RPH3A: variants seen among roughly 807,000 people sequenced by gnomAD.
RPH3A encodes the protein rabphilin-3A.
A neutral mutation model predicts 102.2 loss-of-function variants in RPH3A; 48 were observed. That is an observed-to-expected ratio of 0.47 (90% CI 0.37 to 0.60). The LOEUF is 0.60. Among genes scored for constraint, RPH3A ranks in the 20% least tolerant of loss-of-function variants. The probability of loss-of-function intolerance (pLI) is 0.00; values close to 1 mark genes in which losing one functional copy is unlikely to be tolerated. For synonymous variants in RPH3A, 310 were observed against 324.3 expected, an observed-to-expected ratio of 0.96 and a Z score of 0.47; for missense variants, 781 against 910.1, an observed-to-expected ratio of 0.86 and a Z score of 1.83.
intron 1 of RPH3A, among the ~76,000 whole-genome samples, chr12:112,726,682 T>C (rs2040593062): frequency 6.6e-6 from 1 of 152,216 alleles, no homozygotes; most frequent in African/African-American, 2.4e-5. Flanking sequence ...ACCCAGATAT[T>C]TGCCATTTTA....
chr12:112,866,498 T>G (rs114010222), intron 6 of RPH3A, among the ~76,000 whole-genome samples: 2 of 152,182 alleles, frequency 1.3e-5, no homozygotes, highest in Non-Finnish European at 2.9e-5. Context: ...ATCTCCCCAG[T>G]GTGGATGATG....
At chr12:112,713,307 G>A (rs1385286626) in intron 1 of RPH3A, among the ~76,000 whole-genome samples, 2 of 151,830 alleles carry the variant, frequency 1.3e-5, no homozygotes, top group Non-Finnish European at 1.5e-5. Context: ...AAATAATAAA[G>A]TATACTTATC....
chr12:112,655,407 C>T (rs938089716), intron 1 of RPH3A, among the ~76,000 whole-genome samples: 4 of 152,110 alleles, frequency 2.6e-5, no homozygotes, highest in South Asian at 2.1e-4. Context: ...ACATCATAGT[C>T]GGGTCCAGCC....
intron 2 of RPH3A, among the ~76,000 whole-genome samples, chr12:112,814,036 G>GGTGTGT (rs149412754): frequency 6.7e-6 from 1 of 149,492 alleles, no homozygotes; most frequent in Admixed American, 6.7e-5. Context: ...GTGGGAGTGG[G>GGTGTGT]GTGTGTGTGT....
rs372046825 is a variant in RPH3A at position 112,671,870 on chromosome 12, T to TAC, written c.-140+96572_-140+96573dup. Among the ~76,000 whole-genome samples the TAC allele has an allele frequency of 9.3e-3, 1,374 of 147,656 alleles. 12 individuals are homozygous for TAC. Among genetic ancestry groups the TAC allele is most frequent in the African/African-American group, 0.025 (1,027 of 40,316 alleles). On this transcript the variant is annotated intron_variant, in intron 1 of 21. Coordinates refer to the RPH3A transcript ENST00000543106. The stretch of plus-strand genomic sequence containing the variant: ...AATAGGATCTATCTATCTATCTATC[T>TAC]ACACACACACACACACACACACCCC...
intron 1 of RPH3A, among the ~76,000 whole-genome samples, chr12:112,758,533 A>G (rs1164985932): frequency 3.3e-5 from 5 of 152,240 alleles, no homozygotes; most frequent in Non-Finnish European, 7.3e-5. Flanking sequence ...TTGAGCACCT[A>G]CTATGTGAGA....
chr12:112,600,801 G>A (rs1165585856), intron 1 of RPH3A, among the ~76,000 whole-genome samples: 1 of 151,968 alleles, frequency 6.6e-6, no homozygotes, highest in East Asian at 1.9e-4. Flanking sequence ...TACTATATTA[G>A]TCCGTCCTCA....
chr12:112,657,786 G>A (rs2040023071), intron 1 of RPH3A, among the ~76,000 whole-genome samples: 1 of 152,166 alleles, frequency 6.6e-6, no homozygotes, highest in African/African-American at 2.4e-5. Context: ...AAATGAAATA[G>A]GGGAAGTGGG....
chr12:112,870,658 T>G (rs1369037493), intron 10 of RPH3A, among the ~76,000 whole-genome samples: 1 of 152,204 alleles, frequency 6.6e-6, no homozygotes, highest in Non-Finnish European at 1.5e-5. Context: ...AGGAAGGGGC[T>G]GTGTCTGGGT....
chr12:112,826,337 G>T (rs1773437948), intron 2 of RPH3A, among the ~76,000 whole-genome samples: 1 of 152,188 alleles, frequency 6.6e-6, no homozygotes, highest in African/African-American at 2.4e-5. Flanking sequence ...GAAGGAGGCT[G>T]CAGGGAGCCA....
chr12:112,805,999 T>C (rs1404724365), intron 2 of RPH3A, among the ~76,000 whole-genome samples: 1 of 152,214 alleles, frequency 6.6e-6, no homozygotes, highest in East Asian at 1.9e-4. Context: ...CAAATGTCTA[T>C]TAGTATTTGA....
intron 1 of RPH3A, among the ~76,000 whole-genome samples, chr12:112,610,418 G>A (rs572585216): frequency 6.5e-4 from 98 of 150,448 alleles, no homozygotes; most frequent in African/African-American, 2.2e-3. Context: ...CAGGAGAATC[G>A]CTTGAACCCA....
intron 1 of RPH3A, among the ~76,000 whole-genome samples, chr12:112,670,549 A>G (rs1364553099): frequency 6.6e-6 from 1 of 152,062 alleles, no homozygotes; most frequent in African/African-American, 2.4e-5. Context: ...TAAGACAACA[A>G]CCATTTATTT....
chr12:112,699,660 A>T (rs1310785867), intron 1 of RPH3A, among the ~76,000 whole-genome samples: 1 of 152,232 alleles, frequency 6.6e-6, no homozygotes, highest in African/African-American at 2.4e-5. Flanking sequence ...TGTGGGGATG[A>T]TAGAAACACG....
chr12:112,621,762 G>A (rs1218228846), intron 1 of RPH3A, among the ~76,000 whole-genome samples: 1 of 151,980 alleles, frequency 6.6e-6, no homozygotes, highest in Admixed American at 6.5e-5. Context: ...GCAGGGCACA[G>A]ACAAACAAAA....
intron 1 of RPH3A, among the ~76,000 whole-genome samples, chr12:112,713,869 G>C (rs2040497081): frequency 6.6e-6 from 1 of 152,192 alleles, no homozygotes; most frequent in African/African-American, 2.4e-5. Flanking sequence ...TGAGAAATGA[G>C]AGAATTGAAT....
chr12:112,711,978 A>G lies in RPH3A; in HGVS notation c.-139-80165A>G, dbSNP rs2040466026. ...CTCCAGAGTAGCTGGGATTACAGGC[A>G]TGCACCTCCATACCTGGCTAATTTT... On this transcript the variant is annotated intron_variant, in intron 1 of 21. Coordinates refer to the RPH3A transcript ENST00000543106. 1.3e-5 allele frequency among the ~76,000 whole-genome samples: 2 copies of G among 152,050 alleles called. 1 individual carries two copies. Among genetic ancestry groups the G allele is most frequent in the African/African-American group, 4.8e-5 (2 of 41,396 alleles).
At chr12:112,785,384 T>A (rs1298186149) in intron 1 of RPH3A, among the ~76,000 whole-genome samples, 1 of 152,164 alleles carries the variant, frequency 6.6e-6, no homozygotes, top group Non-Finnish European at 1.5e-5. Context: ...AAGTCACTGC[T>A]GTAAGTGGGA....
At chr12:112,675,119 G>A (rs1361122412) in intron 1 of RPH3A, among the ~76,000 whole-genome samples, 1 of 152,152 alleles carries the variant, frequency 6.6e-6, no homozygotes, top group Admixed American at 6.5e-5. Flanking sequence ...CAGGTTTCAT[G>A]TGTCTAAAGT....
Sources: allele counts gnomAD v4.1 joint callset (sites outside exome capture counted in the v4.1 genomes callset), GRCh38; gene constraint gnomAD v4.1.1; transcripts MANE v1.5; gene names NCBI Gene and HGNC (gene_info 2026-07-23, HGNC 2026-07-21).